Variants in TSPAN15 observed in about 807,000 individuals in gnomAD.
The protein encoded by TSPAN15 is tetraspanin 15, also known as tetraspanin-15.
Under a neutral mutation model 34.5 loss-of-function variants are expected in TSPAN15, and 20 were observed. That is an observed-to-expected ratio of 0.58 (90% confidence interval 0.41 to 0.84). The LOEUF (loss-of-function observed/expected upper bound fraction) is 0.84, where lower values mean the gene tolerates loss of function less well. Among genes scored for constraint, TSPAN15 ranks in the 40% least tolerant of loss-of-function variants. The pLI is 0.00. For missense variants in TSPAN15, 313 were observed against 386.1 expected (o/e 0.81, Z 1.59); for synonymous variants, 155 against 153.9 (o/e 1.01, Z -0.05).
chr10:69,464,654 C>A (rs1273013260), intron 1 of TSPAN15, among the ~76,000 whole-genome samples: 1 of 152,210 alleles, frequency 6.6e-6, no homozygotes, highest in African/African-American at 2.4e-5. Flanking sequence ...ACAGGAGCGT[C>A]ACCCATTGTG....
At chr10:69,530,667 G>T in the TSPAN15 span, among the ~76,000 whole-genome samples, 1 of 144,300 alleles carries the variant, frequency 6.9e-6, no homozygotes, top group South Asian at 2.2e-4. Context: ...TTAGCCAGGG[G>T]TGGTGGTGTG....
chr10:69,543,844 A>AGTATGT, the TSPAN15 span, among the ~76,000 whole-genome samples: 106 of 73,808 alleles, frequency 1.4e-3, no homozygotes, highest in African/African-American at 5.6e-3. Context: ...GAAGAAGGGG[A>AGTATGT]GTGTGTGTGT....
the TSPAN15 span, among the ~76,000 whole-genome samples, chr10:69,518,193 C>T: frequency 1.3e-5 from 2 of 152,154 alleles, no homozygotes; most frequent in Non-Finnish European, 2.9e-5. Flanking sequence ...CAATGAATAG[C>T]AGATCTGAAA....
chr10:69,499,240 A>G (rs1250273271), intron 5 of TSPAN15, among the ~76,000 whole-genome samples: 1 of 152,220 alleles, frequency 6.6e-6, no homozygotes, highest in East Asian at 1.9e-4. Flanking sequence ...TTCTCCTGAC[A>G]TTGCCACCAT....
chr10:69,512,517 A>T (rs1842425263), downstream of TSPAN15, among the ~76,000 whole-genome samples: 1 of 152,228 alleles, frequency 6.6e-6, no homozygotes, highest in South Asian at 2.1e-4. Flanking sequence ...ACTACAGTCA[A>T]GATAATGAAC....
the TSPAN15 span, among the ~76,000 whole-genome samples, chr10:69,549,196 G>T: frequency 6.6e-6 from 1 of 152,116 alleles, no homozygotes; most frequent in Non-Finnish European, 1.5e-5. Flanking sequence ...ATGCTAATCT[G>T]CCATGTTGAC....
At chr10:69,545,172 T>C in the TSPAN15 span, among the ~76,000 whole-genome samples, 3 of 152,148 alleles carry the variant, frequency 2.0e-5, no homozygotes, top group Non-Finnish European at 2.9e-5. Flanking sequence ...GTGCTAGTCC[T>C]CACTCCCCCT....
the TSPAN15 span, among the ~76,000 whole-genome samples, chr10:69,525,876 A>T: frequency 6.8e-6 from 1 of 146,392 alleles, no homozygotes; most frequent in Non-Finnish European, 1.5e-5. Flanking sequence ...ATTAACACTG[A>T]TGAACAATAT....
chr10:69,475,464 C>A (rs1841596148), intron 1 of TSPAN15, among the ~76,000 whole-genome samples: 1 of 152,130 alleles, frequency 6.6e-6, no homozygotes, highest in Non-Finnish European at 1.5e-5. Flanking sequence ...CTCAGAATGC[C>A]TTGGTCAGTT....
At chr10:69,527,173 C>A in the TSPAN15 span, among the ~76,000 whole-genome samples, 1 of 148,188 alleles carries the variant, frequency 6.7e-6, no homozygotes, top group Non-Finnish European at 1.5e-5. Flanking sequence ...ATACATACTA[C>A]AGCACTGGAT....
intron 1 of TSPAN15, among the ~76,000 whole-genome samples, chr10:69,462,162 T>TTTTG (rs1554831161): frequency 0.15 from 18,089 of 118,536 alleles, 2,223 homozygotes; most frequent in Non-Finnish European, 0.21. Flanking sequence ...AAAGTTTTTT[T>TTTTG]TTTTTTTTTT....
intron 3 of TSPAN15, among the ~76,000 whole-genome samples, chr10:69,493,589 C>T (rs1358933045): frequency 6.6e-6 from 1 of 151,602 alleles, no homozygotes; most frequent in African/African-American, 2.4e-5. Context: ...TCTCCTGCCT[C>T]AGCCTCCCGA....
At chr10:69,487,103 C>T (rs1428860274) in intron 3 of TSPAN15, among the ~76,000 whole-genome samples, 2 of 151,934 alleles carry the variant, frequency 1.3e-5, no homozygotes, top group African/African-American at 2.4e-5. Flanking sequence ...TTAGTGCTTT[C>T]CTGGCTGGAG....
At chr10:69,539,796 C>T in the TSPAN15 span, among the ~76,000 whole-genome samples, 1 of 152,116 alleles carries the variant, frequency 6.6e-6, no homozygotes, top group Non-Finnish European at 1.5e-5. Context: ...CTGCTCCAGC[C>T]ATCATGTTCA....
intron 1 of TSPAN15, among the ~76,000 whole-genome samples, chr10:69,476,620 G>C (rs186890359): frequency 6.6e-6 from 1 of 151,868 alleles, no homozygotes. Context: ...GTCAGGGACT[G>C]AGGATTACAA....
At chr10:69,542,322 T>C in the TSPAN15 span, among the ~76,000 whole-genome samples, 1 of 152,220 alleles carries the variant, frequency 6.6e-6, no homozygotes, top group Non-Finnish European at 1.5e-5. Flanking sequence ...AACAGGTCTC[T>C]AGGAAGTTCC....
the TSPAN15 span, among the ~76,000 whole-genome samples, chr10:69,543,808 G>A: frequency 6.6e-6 from 1 of 151,556 alleles, no homozygotes; most frequent in Non-Finnish European, 1.5e-5. Context: ...GAGAAAGAAG[G>A]GGAGGAGAAG....
intron 5 of TSPAN15, among the ~76,000 whole-genome samples, chr10:69,502,722 G>A (rs1310106850): frequency 6.6e-6 from 1 of 152,086 alleles, no homozygotes; most frequent in Non-Finnish European, 1.5e-5. Context: ...GGCAGGGTGA[G>A]GTGAGTCCCC....
rs183978836 is a variant in TSPAN15, at chr10:69,455,387, G to A, written c.96+3697G>A. ...CTCTTTCACTTAAATTTAAATCCAC[G>A]TGAATTATGGAGATCTGCTAGGAGC... On this transcript the variant is annotated intron_variant, in intron 1 of 7. Coordinates refer to ENST00000373290, the MANE Select transcript of TSPAN15 (RefSeq NM_012339.5). Among the ~76,000 whole-genome samples the A allele has an allele frequency of 2.0e-3, 298 of 152,166 alleles. 3 individuals carry two copies. The highest frequency in any genetic ancestry group is 6.9e-3 in the African/African-American group (286 of 41,506).
Sources: gnomAD v4.1 joint callset for allele counts (sites outside exome capture counted in the v4.1 genomes callset) on GRCh38, gnomAD v4.1.1 for gene constraint, MANE v1.5 for transcripts, NCBI Gene and HGNC (gene_info 2026-07-23, HGNC 2026-07-21) for gene names.